Variants in MTBP observed in about 807,000 individuals in gnomAD.
MTBP encodes MDM2 binding protein, also known as mdm2-binding protein.
In MTBP, 101 loss-of-function variants were observed where a neutral mutation model predicts 117.0. That is an observed-to-expected ratio of 0.86 (90% CI 0.73 to 1.02). The LOEUF is 1.02. Ranked by LOEUF, MTBP falls within the 50% of genes least tolerant of loss-of-function variation. The pLI is 0.00. For synonymous variants in MTBP, 350 were observed against 351.5 expected (o/e 1.00, Z 0.05); for missense variants, 970 against 1,030.9 (o/e 0.94, Z 0.81).
At chr8:120,481,279 A>G (rs909154267) in intron 11 of MTBP, among the ~76,000 whole-genome samples, 1 of 152,218 alleles carries the variant, frequency 6.6e-6, no homozygotes, top group Admixed American at 6.5e-5. Context: ...TTGACAGTTA[A>G]ACTTGCACTT....
chr8:120,491,692 C>T (rs1161474103), intron 13 of MTBP, among the ~76,000 whole-genome samples: 1 of 152,172 alleles, frequency 6.6e-6, no homozygotes, highest in Non-Finnish European at 1.5e-5. Context: ...GCCAAAAACC[C>T]GTCAGGCCCT....
At chr8:120,520,058 G>C (rs1814988342) in intron 20 of MTBP, among the ~76,000 whole-genome samples, 2 of 152,140 alleles carry the variant, frequency 1.3e-5, no homozygotes, top group Admixed American at 1.3e-4. Context: ...TTTCCAGTCA[G>C]ATTTTTAGTG....
intron 16 of MTBP, 122 bp downstream of exon 16, chr8:120,506,983 C>A: frequency 1.3e-6 from 1 of 797,358 alleles, no homozygotes; most frequent in African/African-American, 1.8e-5. Context: ...AAGTTTGATC[C>A]CAATGTTTGT....
chr8:120,501,074 C>T (rs537286543), intron 14 of MTBP, among the ~76,000 whole-genome samples: 1 of 151,730 alleles, frequency 6.6e-6, no homozygotes, highest in African/African-American at 2.4e-5. Context: ...GCCTGTAGTC[C>T]CAGCTACTCT....
At position 120,517,547 on chromosome 8, in the gene MTBP, G is replaced by A. The variant is rs1346821002; in HGVS notation, c.2247-304G>A. 5.3e-5 allele frequency among the ~76,000 whole-genome samples: 8 copies of A among 151,814 alleles called. No individual in the cohort carries two copies. The East Asian group carries it at 1.5e-3, about 29-fold the overall frequency. On this transcript the variant is annotated intron_variant, in intron 18 of 21. Transcript: ENST00000305949. ...ACAACTTTATAATATGATGTTTATTGCTTACTTAAGGCAGTAATAGCAATA... is the reference window on the plus strand; with the variant it reads ...ACAACTTTATAATATGATGTTTATTACTTACTTAAGGCAGTAATAGCAATA...
intron 1 of MTBP, 77 bp from the exon 2 acceptor site, chr8:120,446,354 GTC>G: frequency 1.2e-6 from 1 of 843,810 alleles, no homozygotes; most frequent in African/African-American, 1.7e-5. Flanking sequence ...GGTCTTGAGA[GTC>G]TCTGATGGTG....
At chr8:120,490,434 G>A (rs372733620) in intron 12 of MTBP, 29 bp from the exon 13 acceptor site, 109 of 1,427,008 alleles carry the variant, frequency 7.6e-5, no homozygotes, top group Non-Finnish European at 1.0e-4. Flanking sequence ...CATCATTAAT[G>A]TTGACCTTTT....
intron 11 of MTBP, among the ~76,000 whole-genome samples, chr8:120,476,257 A>G (rs576987970): frequency 6.6e-6 from 1 of 152,236 alleles, no homozygotes; most frequent in East Asian, 1.9e-4. Context: ...AACATATCTC[A>G]AAATAATAAG....
intron 10 of MTBP, among the ~76,000 whole-genome samples, chr8:120,469,495 A>G (rs1268928712): frequency 6.6e-6 from 1 of 152,154 alleles, no homozygotes; most frequent in Non-Finnish European, 1.5e-5. Context: ...GCCGGCCGCT[A>G]TACCACTCAT....
chr8:120,503,022 T>A (rs1221326961), intron 15 of MTBP, among the ~76,000 whole-genome samples: 3 of 152,248 alleles, frequency 2.0e-5, no homozygotes, highest in African/African-American at 7.2e-5. Context: ...ATGAATGAAC[T>A]GTATGAGGCA....
At chr8:120,509,871 T>C in intron 16 of MTBP, 63 bp from the exon 17 acceptor site, 5 of 1,155,354 alleles carry the variant, frequency 4.3e-6, no homozygotes, top group Non-Finnish European at 3.8e-6. Context: ...TTAGATACTT[T>C]CTTTAACTTT....
intron 9 of MTBP, among the ~76,000 whole-genome samples, chr8:120,463,239 G>A (rs1411692655): frequency 6.6e-6 from 1 of 152,120 alleles, no homozygotes; most frequent in Non-Finnish European, 1.5e-5. Context: ...ATCATTTTAT[G>A]TATTTAAGTA....
intron 14 of MTBP, among the ~76,000 whole-genome samples, chr8:120,499,903 T>G (rs571821201): frequency 1.3e-5 from 2 of 152,214 alleles, no homozygotes; most frequent in Non-Finnish European, 2.9e-5. Context: ...ATAAGTAAGT[T>G]TTCCAGGTAA....
intron 14 of MTBP, among the ~76,000 whole-genome samples, chr8:120,501,333 G>A (rs1194336172): frequency 1.3e-5 from 2 of 152,122 alleles, no homozygotes; most frequent in Non-Finnish European, 2.9e-5. Context: ...GTGCACTCCA[G>A]CCTGGGCGAC....
intron 15 of MTBP, among the ~76,000 whole-genome samples, chr8:120,505,536 A>C (rs145498183): frequency 8.0e-4 from 122 of 152,304 alleles, no homozygotes; most frequent in African/African-American, 2.7e-3. Context: ...AGGCACTGTC[A>C]GTATTTTATT....
rs1315978147 is a variant in MTBP at position 120,445,437 on chromosome 8, C to T, written c.-34C>T. 1.3e-6 allele frequency: 2 copies of T among 1,577,552 alleles called. No individual in the cohort carries two copies. Among genetic ancestry groups the T allele is most frequent in the East Asian group, 2.2e-5 (1 of 44,686 alleles). On this transcript the variant is annotated 5_prime_UTR_variant, in exon 1 of 22. Transcript: ENST00000305949. Reference sequence around the variant, plus strand: ...CGCGCGTCTGTTTGGATGTGGAAGCCGAGACCTAAAGTTGGGGGGTGATCT... The same window carrying T: ...CGCGCGTCTGTTTGGATGTGGAAGCTGAGACCTAAAGTTGGGGGGTGATCT...
intron 14 of MTBP, among the ~76,000 whole-genome samples, 166 bp downstream of exon 14, chr8:120,497,720 G>A (rs770946164): frequency 7.9e-5 from 12 of 152,002 alleles, no homozygotes; most frequent in Non-Finnish European, 1.3e-4. Context: ...GTGATGAACT[G>A]TATTACTCAT....
At chr8:120,520,569 C>G (rs1456379006) in intron 20 of MTBP, among the ~76,000 whole-genome samples, 1 of 151,986 alleles carries the variant, frequency 6.6e-6, no homozygotes, top group Non-Finnish European at 1.5e-5. Context: ...CTTGTCCAAG[C>G]CAATGAATGA....
intron 14 of MTBP, among the ~76,000 whole-genome samples, chr8:120,502,020 T>G (rs1814596275): frequency 6.6e-6 from 1 of 152,328 alleles, no homozygotes; most frequent in African/African-American, 2.4e-5. Context: ...CAGAACATCA[T>G]AACTTATCTA....
Sources: gnomAD v4.1 joint callset for allele counts (sites outside exome capture counted in the v4.1 genomes callset) on GRCh38, gnomAD v4.1.1 for gene constraint, MANE v1.5 for transcripts, NCBI Gene and HGNC (gene_info 2026-07-23, HGNC 2026-07-21) for gene names.